The following DYM variants were observed in gnomAD, a reference collection of about 807,000 sequenced individuals.
The protein encoded by DYM is dymeclin.
In DYM, 78 loss-of-function variants were observed where a neutral mutation model predicts 93.1. The ratio of observed to expected loss-of-function variants is 0.84; its 90% confidence interval spans 0.70 to 1.01. The LOEUF (loss-of-function observed/expected upper bound fraction) is 1.01. Ranked by LOEUF, DYM falls within the 50% of genes least tolerant of loss-of-function variation. The pLI is 0.00. For synonymous variants in DYM, 321 were observed against 319.7 expected, an observed-to-expected ratio of 1.00 and a Z score of -0.04; for missense variants, 789 against 845.0, an observed-to-expected ratio of 0.93 and a Z score of 0.82.
chr18:49,381,016 A>G (rs1222740844), intron 3 of DYM, among the ~76,000 whole-genome samples: 2 of 151,990 alleles, frequency 1.3e-5, no homozygotes, highest in East Asian at 1.9e-4. Flanking sequence ...TTTAACATAG[A>G]AACAGGGTCT....
chr18:49,078,390 A>T (rs1367478361), intron 17 of DYM, among the ~76,000 whole-genome samples: 1 of 150,208 alleles, frequency 6.7e-6, no homozygotes, highest in African/African-American at 2.4e-5. Context: ...CAAAAATTAA[A>T]ATATATATAT....
intron 13 of DYM, among the ~76,000 whole-genome samples, chr18:49,210,618 T>C (rs1042638361): frequency 1.3e-5 from 2 of 152,220 alleles, no homozygotes; most frequent in African/African-American, 4.8e-5. Flanking sequence ...ACTACTATAA[T>C]GGTGGATACA....
rs1382853735 is a variant in DYM, at chr18:49,042,640, C to T, written c.*1415G>A. ...CAGATGAGCTGGCAGTGGATTCGAA[C>T]AGTGTGCTCAGTCTCGTCTGGGCTT... On this transcript the variant is annotated 3_prime_UTR_variant, in exon 18 of 18. Transcript: ENST00000675505. 2.0e-5 allele frequency: 3 copies of T among 152,284 alleles called. No homozygotes were observed. The allele number at this position is 152,284 out of a possible 1,614,324, so 9.4% of individuals were successfully genotyped here. A position where few individuals can be genotyped will look rare whatever the true frequency, so the allele number is the denominator to read the frequency against.
chr18:49,238,279 A>C (rs2093932510), intron 13 of DYM, among the ~76,000 whole-genome samples: 1 of 152,176 alleles, frequency 6.6e-6, no homozygotes, highest in African/African-American at 2.4e-5. Context: ...GTGCATTTTA[A>C]GCTATATTTA....
At chr18:49,276,403 A>G (rs2094847988) in intron 10 of DYM, among the ~76,000 whole-genome samples, 2 of 151,978 alleles carry the variant, frequency 1.3e-5, no homozygotes, top group South Asian at 4.1e-4. Flanking sequence ...AATCAAGCTT[A>G]CATTTCTGGG....
chr18:49,194,917 C>T (rs1465431255), intron 14 of DYM, among the ~76,000 whole-genome samples: 1 of 152,064 alleles, frequency 6.6e-6, no homozygotes, highest in African/African-American at 2.4e-5. Context: ...CAGTCATTAG[C>T]CTCCATAATT....
intron 8 of DYM, among the ~76,000 whole-genome samples, chr18:49,314,717 A>G (rs1331166140): frequency 1.3e-5 from 2 of 152,208 alleles, no homozygotes; most frequent in Admixed American, 1.3e-4. Context: ...TAAGAGTAAA[A>G]TTACATCTCC....
intron 17 of DYM, among the ~76,000 whole-genome samples, chr18:49,080,725 G>C (rs2077882137): frequency 6.7e-6 from 1 of 148,720 alleles, no homozygotes; most frequent in African/African-American, 2.5e-5. Context: ...GCCGGGCAGA[G>C]GGGCTCCTCA....
At chr18:49,045,289 A>G (rs1315295979) in intron 17 of DYM, among the ~76,000 whole-genome samples, 5 of 152,220 alleles carry the variant, frequency 3.3e-5, no homozygotes, top group South Asian at 4.1e-4. Flanking sequence ...GACATGGCCC[A>G]TAGGGCAGAG....
intron 14 of DYM, among the ~76,000 whole-genome samples, chr18:49,191,141 G>A (rs774825865): frequency 6.6e-6 from 1 of 152,092 alleles, no homozygotes; most frequent in Non-Finnish European, 1.5e-5. Flanking sequence ...ACTATATTTT[G>A]ATAGTAACTA....
intron 8 of DYM, among the ~76,000 whole-genome samples, chr18:49,304,079 T>C (rs966799349): frequency 6.6e-6 from 1 of 152,258 alleles, no homozygotes; most frequent in Admixed American, 6.5e-5. Context: ...CTTCAACTGA[T>C]GCACGCTAGC....
At chr18:49,347,125 T>C (rs2064668622) in intron 6 of DYM, among the ~76,000 whole-genome samples, 1 of 152,174 alleles carries the variant, frequency 6.6e-6, no homozygotes, top group African/African-American at 2.4e-5. Context: ...TGCCTATCGC[T>C]TTCACATAAT....
intron 2 of DYM, among the ~76,000 whole-genome samples, chr18:49,410,635 C>A (rs868327827): frequency 2.7e-5 from 4 of 149,286 alleles, no homozygotes; most frequent in Middle Eastern, 6.9e-3. Flanking sequence ...CATAGTGAGA[C>A]CTTTTCTCTA....
At chr18:49,168,652 G>C (rs1274977622) in intron 14 of DYM, among the ~76,000 whole-genome samples, 1 of 152,086 alleles carries the variant, frequency 6.6e-6, no homozygotes, top group Non-Finnish European at 1.5e-5. Context: ...ACAAAATAAT[G>C]AAAGAGACAT....
At chr18:49,149,133 C>T (rs995882233) in intron 15 of DYM, among the ~76,000 whole-genome samples, 7 of 152,162 alleles carry the variant, frequency 4.6e-5, no homozygotes, top group Middle Eastern at 3.4e-3. Flanking sequence ...GTGTACAGTT[C>T]ACAATAGGGT....
At chr18:49,168,225 C>A (rs576421719) in intron 14 of DYM, among the ~76,000 whole-genome samples, 2,228 of 149,344 alleles carry the variant, frequency 0.015, 17 homozygotes, top group South Asian at 0.046. Flanking sequence ...CCCTCTCTCT[C>A]TATATATATA....
chr18:49,338,984 C>T (rs1380593455), intron 6 of DYM, among the ~76,000 whole-genome samples: 5 of 151,852 alleles, frequency 3.3e-5, no homozygotes, highest in East Asian at 3.9e-4. Context: ...AAGAAGAACA[C>T]GAAACTAATA....
intron 14 of DYM, among the ~76,000 whole-genome samples, chr18:49,190,287 T>C (rs935485647): frequency 2.6e-5 from 4 of 152,260 alleles, no homozygotes; most frequent in Non-Finnish European, 5.9e-5. Context: ...GATACTACAT[T>C]GGTTTTTCTT....
At position 49,251,979 on chromosome 18, in the gene DYM, T is replaced by C. The variant is rs900735284; in HGVS notation, c.1460+5031A>G. Among the ~76,000 whole-genome samples the C allele has an allele frequency of 3.3e-5, 5 of 151,700 alleles. No homozygotes were observed. The South Asian group carries it at 1.0e-3, about 32-fold the overall frequency. On this transcript the variant is annotated intron_variant, in intron 13 of 17. Coordinates refer to ENST00000675505, the MANE Select transcript of DYM (RefSeq NM_001353214.3). ...CTGTAATCCCAGCACTTTGGGAGGC[T>C]AAGGTGGGCAGATCACTTGAGGCCA... is the stretch of plus-strand genomic sequence containing the variant.
Sources: gnomAD v4.1 joint callset for allele counts (sites outside exome capture counted in the v4.1 genomes callset) on GRCh38, gnomAD v4.1.1 for gene constraint, MANE v1.5 for transcripts, NCBI Gene and HGNC (gene_info 2026-07-23, HGNC 2026-07-21) for gene names.